The following CRTC1 variants were observed in gnomAD, a reference collection of about 807,000 sequenced individuals.
CRTC1 encodes the protein CREB-regulated transcription coactivator 1.
A neutral mutation model predicts 66.1 loss-of-function variants in CRTC1; 18 were observed. The ratio of observed to expected loss-of-function variants is 0.27; its 90% CI spans 0.19 to 0.40. The LOEUF is 0.40. Among genes scored for constraint, CRTC1 ranks in the 10% least tolerant of loss-of-function variants. The pLI is 1.00. For synonymous variants in CRTC1, 416 were observed against 398.8 expected, an observed-to-expected ratio of 1.04 and a Z score of -0.51; for missense variants, 669 against 887.9, an observed-to-expected ratio of 0.75 and a Z score of 3.13.
At chr19:18,713,454 G>A (rs1279027611) in intron 1 of CRTC1, among the ~76,000 whole-genome samples, 2 of 152,338 alleles carry the variant, frequency 1.3e-5, no homozygotes, top group African/African-American at 4.8e-5. Flanking sequence ...AACTGTTTGA[G>A]TAGTGGCCGG....
At chr19:18,729,239 C>T (rs2053830834) in intron 1 of CRTC1, among the ~76,000 whole-genome samples, 2 of 149,924 alleles carry the variant, frequency 1.3e-5, no homozygotes, top group South Asian at 2.1e-4. Flanking sequence ...TCCTGGCTAA[C>T]GTGGTAAAAC....
intron 1 of CRTC1, among the ~76,000 whole-genome samples, chr19:18,703,817 C>T (rs867994927): frequency 1.3e-5 from 2 of 152,182 alleles, no homozygotes; most frequent in Middle Eastern, 6.8e-3. Flanking sequence ...AGGCTGGTCT[C>T]GAACTCCTGA....
Position 18,782,086 on chromosome 19 carries a change from C to A in CRTC1, c.*4704C>A. The A allele has an allele frequency of 4.4e-6, 1 of 224,868 alleles. No individual in the cohort carries two copies. Among genetic ancestry groups the A allele is most frequent in the Non-Finnish European group, 8.9e-6 (1 of 112,782 alleles). 13.9% of individuals were successfully genotyped at this position (224,868 alleles called of 1,614,324 possible). ...GGGTGGCCCCACTGATATATGCAAA[C>A]CCGCCGGTCCGAGCCCTGTTCCTGC... On this transcript the variant is annotated 3_prime_UTR_variant, in exon 14 of 14. Transcript: ENST00000321949.
chr19:18,753,736 A>C (rs940836055), intron 6 of CRTC1, 151 bp downstream of exon 6: 1 of 615,312 alleles, frequency 1.6e-6, no homozygotes, highest in Non-Finnish European at 2.9e-6. Context: ...AATTCAGAGA[A>C]TCTGTTAGGT....
rs2055021188 is a variant in CRTC1, at chr19:18,777,581, C to T, written c.*199C>T. 1.8e-6 allele frequency: 1 copy of T among 563,026 alleles called. No individual in the cohort carries two copies. The highest frequency in any genetic ancestry group is 3.1e-6 in the Non-Finnish European group (1 of 323,286). The allele number at this position is 563,026 out of a possible 1,614,324, so 34.9% of individuals were successfully genotyped here. On this transcript the variant is annotated 3_prime_UTR_variant, in exon 14 of 14. Transcript: ENST00000321949. The surrounding 1 kb of genome is among the most constrained non-coding windows in gnomAD (Gnocchi z 5.5). ...CGAGGCCGCGAGCCGGGCCGTCCAC[C>T]CACCCGCCCGCCCAGGGCTGGGCTG...
chr19:18,744,113 C>A (rs915815753), intron 2 of CRTC1: 1 of 1,613,136 alleles, frequency 6.2e-7, no homozygotes, highest in East Asian at 2.2e-5. Context: ...TTCAGCCCAG[C>A]GGATTTCTGG....
chr19:18,758,936 G>T (rs975399317), intron 6 of CRTC1, among the ~76,000 whole-genome samples: 1 of 152,204 alleles, frequency 6.6e-6, no homozygotes, highest in Non-Finnish European at 1.5e-5. Context: ...ACTTAGCCTC[G>T]GGTACCAGGG....
chr19:18,686,262 G>C (rs1409655606), intron 1 of CRTC1, among the ~76,000 whole-genome samples: 1 of 152,070 alleles, frequency 6.6e-6, no homozygotes, highest in African/African-American at 2.4e-5. Context: ...GTAGTATCAT[G>C]GATCAGTGCT....
rs2055036355 is a variant in CRTC1, at chr19:18,778,148, G to A, written c.*766G>A. 8.6e-6 allele frequency: 2 copies of A among 232,898 alleles called. No homozygotes were observed. The highest frequency in any genetic ancestry group is 5.6e-5 in the Admixed American group (1 of 17,764). The allele number at this position is 232,898 out of a possible 1,614,324, so 14.4% of individuals were successfully genotyped here. ...GGAAGTGACCGGAAGGCCCCGTGAG[G>A]GGTCGAACGCGGAGGCAGGGGTTAC... On this transcript the variant is annotated 3_prime_UTR_variant, in exon 14 of 14. Coordinates refer to ENST00000321949, the MANE Select transcript of CRTC1 (RefSeq NM_015321.3).
chr19:18,749,877 TATGG>T lies in CRTC1; in HGVS notation c.538+4_538+7del, dbSNP rs780118286. Reference sequence around the variant, plus strand: ...CCCAGGACGTGCACCAGAAAAGAGGTATGGACAGGGGACTCGGGTGTCTCTGCTG... The same window carrying T: ...CCCAGGACGTGCACCAGAAAAGAGGTACAGGGGACTCGGGTGTCTCTGCTG... On this transcript the variant is annotated splice_donor_5th_base_variant and intron_variant, in intron 5 of 13. Coordinates refer to ENST00000321949, the MANE Select transcript of CRTC1 (RefSeq NM_015321.3). 10 of 1,612,726 alleles carry T rather than the reference TATGG, an allele frequency of 6.2e-6. No homozygotes were observed. The highest frequency in any genetic ancestry group is 8.5e-6 in the Non-Finnish European group (10 of 1,179,024).
In CRTC1 at chr19:18,705,243, T is replaced by G. The variant is rs183047389; in HGVS notation, c.126+21415T>G. 3.0e-3 allele frequency among the ~76,000 whole-genome samples: 463 copies of G among 152,316 alleles called. 4 individuals are homozygous for G. The highest frequency in any genetic ancestry group is 4.4e-3 in the Non-Finnish European group (297 of 68,034). ...TGCGTAGTGCTGCTGTGAACATTGG[T>G]GTACATCTCTTTGAGTCCCTACTCA... On this transcript the variant is annotated intron_variant, in intron 1 of 13. Transcript: ENST00000321949.
chr19:18,747,127 ACACCCCCCCCCCGCCCCCTTCTTGTT>A lies in CRTC1; in HGVS notation c.443+14_443+39del. 1 of 1,391,654 alleles carries A rather than the reference ACACCCCCCCCCCGCCCCCTTCTTGTT, an allele frequency of 7.2e-7. No individual in the cohort carries two copies. The highest frequency in any genetic ancestry group is 2.4e-5 in the East Asian group (1 of 41,126). The allele number at this position is 1,391,654 out of a possible 1,614,324, so 86.2% of individuals were successfully genotyped here. A position where few individuals can be genotyped will look rare whatever the true frequency, so the allele number is the denominator to read the frequency against. ...CCAGCTGGAGAAGGTCAGTGGCTGGACACCCCCCCCCCGCCCCCTTCTTGTTGGAAACAAAACCAAACTCTCATCAT... is the reference window on the plus strand; with the variant it reads ...CCAGCTGGAGAAGGTCAGTGGCTGGAGGAAACAAAACCAAACTCTCATCAT... On this transcript the variant is annotated intron_variant, in intron 4 of 13. Transcript: ENST00000321949.
intron 1 of CRTC1, among the ~76,000 whole-genome samples, chr19:18,733,593 A>G (rs2053936353): frequency 6.6e-6 from 1 of 152,198 alleles, no homozygotes; most frequent in Non-Finnish European, 1.5e-5. Context: ...TGATGCTCTC[A>G]TCATCATTCC....
intron 7 of CRTC1, among the ~76,000 whole-genome samples, 179 bp from the exon 8 acceptor site, chr19:18,759,829 G>C (rs771350679): frequency 6.6e-6 from 1 of 152,068 alleles, no homozygotes; most frequent in African/African-American, 2.4e-5. Flanking sequence ...TCCTCACCGG[G>C]TGATAGGCTG....
intron 1 of CRTC1, among the ~76,000 whole-genome samples, chr19:18,735,418 G>A (rs931394923): frequency 6.6e-6 from 1 of 152,192 alleles, no homozygotes; most frequent in Non-Finnish European, 1.5e-5. Context: ...CCCGGGGAGC[G>A]GGGGATCCTG....
intron 2 of CRTC1, chr19:18,744,186 G>T (rs369676089): frequency 3.1e-6 from 5 of 1,604,204 alleles, no homozygotes; most frequent in Non-Finnish European, 3.4e-6. Flanking sequence ...AGGCCGCGGC[G>T]TCCCCGGCGC....
chr19:18,703,498 G>A (rs546579971), intron 1 of CRTC1, among the ~76,000 whole-genome samples: 11 of 152,016 alleles, frequency 7.2e-5, no homozygotes, highest in African/African-American at 2.7e-4. Context: ...TTGTTCTGTC[G>A]CCTAGGCTGG....
At chr19:18,757,771 C>G (rs2054521815) in intron 6 of CRTC1, among the ~76,000 whole-genome samples, 1 of 152,188 alleles carries the variant, frequency 6.6e-6, no homozygotes, top group Admixed American at 6.5e-5. Context: ...AATCCCAGCA[C>G]TTTGGGAGGC....
rs2054773886 is a variant in CRTC1, at chr19:18,768,002, C to T, written c.1012-483C>T. 6.6e-6 allele frequency among the ~76,000 whole-genome samples: 1 copy of T among 152,204 alleles called. No homozygotes were observed. Among genetic ancestry groups the T allele is most frequent in the South Asian group, 2.1e-4 (1 of 4,834 alleles). ...CAGCTCTGCGAAGGCCTGAGCCAGC[C>T]CTTGGTGAGGGGCCATGCTGGTATC... On this transcript the variant is annotated intron_variant, in intron 9 of 13. Transcript: ENST00000321949. This position sits in a 1 kb window ranked among gnomAD's most constrained non-coding sequence, Gnocchi z 5.6.
Sources: gnomAD v4.1 joint callset for allele counts (sites outside exome capture counted in the v4.1 genomes callset) on GRCh38, gnomAD v4.1.1 for gene constraint, Gnocchi (gnomAD v3.1) non-coding constraint, MANE v1.5 for transcripts, NCBI Gene and HGNC (gene_info 2026-07-23, HGNC 2026-07-21) for gene names.